Variants in CEP170B observed in about 807,000 individuals in gnomAD.
CEP170B encodes centrosomal protein of 170 kDa protein B.
CEP170B carries 55 observed loss-of-function variants against 120.6 expected under a neutral mutation model. That is an observed-to-expected ratio of 0.46 (90% CI 0.37 to 0.57). The LOEUF (loss-of-function observed/expected upper bound fraction) is 0.57. Among genes scored for constraint, CEP170B ranks in the 20% least tolerant of loss-of-function variants. CEP170B has a pLI of 0.00. For synonymous variants in CEP170B, 1,033 were observed against 954.5 expected, an observed-to-expected ratio of 1.08 and a Z score of -1.52; for missense variants, 2,212 against 2,253.3, an observed-to-expected ratio of 0.98 and a Z score of 0.37.
At chr14:104,872,604 C>T (rs934591264) in intron 2 of CEP170B, among the ~76,000 whole-genome samples, 1 of 152,068 alleles carries the variant, frequency 6.6e-6, no homozygotes, top group Non-Finnish European at 1.5e-5. Context: ...AGGTGTCCTC[C>T]GTGAGAGCGT....
chr14:104,884,589 GGGGGGTGGAGGCGATGCC>G lies in CEP170B; in HGVS notation c.1770+49_1770+66del, dbSNP rs1566864565. On this transcript the variant is annotated intron_variant, in intron 9 of 18. Coordinates refer to ENST00000414716, the MANE Select transcript of CEP170B (RefSeq NM_001112726.3). ...CGAGTGAGAGCCCTCGTGGGGAACGGGGGGGTGGAGGCGATGCCGGGGGTGGCGAGTGAGAGCCCTCGT... is the reference window on the plus strand; with the variant it reads ...CGAGTGAGAGCCCTCGTGGGGAACGGGGGGGTGGCGAGTGAGAGCCCTCGT... 3 of 1,483,942 alleles carry G rather than the reference GGGGGGTGGAGGCGATGCC, an allele frequency of 2.0e-6. No individual in the cohort carries two copies. The South Asian group carries it at 3.7e-5, about 18-fold the overall frequency. The allele number at this position is 1,483,942 out of a possible 1,614,324, so 91.9% of individuals were successfully genotyped here. A position where few individuals can be genotyped will look rare whatever the true frequency, so the allele number is the denominator to read the frequency against.
Position 104,889,758 on chromosome 14 carries a change from G to C in CEP170B, c.3878G>C (p.Arg1293Thr). The change falls in exon 13 of 19, where the codon AGG becomes ACG. Residue 1293 changes from arginine to threonine, a missense_variant and splice_region_variant. Coordinates refer to ENST00000414716, the MANE Select transcript of CEP170B (RefSeq NM_001112726.3). The part of the protein sequence containing the change: ...VQTAEIAEIA[R>T]LSQTLVKDVA... ...ACGGCAGAGATTGCGGAGATTGCCA[G>C]GTGAGTAGCCCATTCAGAGTAAATC... 1 of 1,601,024 alleles carries C rather than the reference G, an allele frequency of 6.2e-7. No homozygotes were observed. Among genetic ancestry groups the C allele is most frequent in the Non-Finnish European group, 8.5e-7 (1 of 1,170,992 alleles).
At chr14:104,877,204 C>T (rs969998889) in intron 3 of CEP170B, among the ~76,000 whole-genome samples, 1 of 152,190 alleles carries the variant, frequency 6.6e-6, no homozygotes, top group Non-Finnish European at 1.5e-5. Context: ...TCTGATGAAG[C>T]GGCTGTCCCT....
At chr14:104,866,937 C>T (rs973847921) in intron 1 of CEP170B, among the ~76,000 whole-genome samples, 22 of 152,280 alleles carry the variant, frequency 1.4e-4, no homozygotes, top group Admixed American at 5.9e-4. Flanking sequence ...GGGTTATTGT[C>T]CTCACTTCTT....
intron 9 of CEP170B, 130 bp from the exon 10 acceptor site, chr14:104,885,238 TC>T: frequency 1.0e-6 from 1 of 991,022 alleles, no homozygotes; most frequent in Non-Finnish European, 1.4e-6. Context: ...AGGCTGCATG[TC>T]CCGGCCACCA....
rs1236433158 is a variant in CEP170B at position 104,883,366 on chromosome 14, A to G, written c.909A>G (p.Thr303=). ...GGCGGCCCCCGGGCAAGGAGGCCAC[A>G]CCTGGCGAGATGGTGTCGGCTGAGA... ...RQRRPPGKEA[T]PGEMVSAETK... is the part of the protein sequence containing the mutation. The change falls in exon 8 of 19, where the codon ACA becomes ACG. Residue 303 remains threonine (T), a synonymous_variant. Transcript: ENST00000414716. The G allele has an allele frequency of 1.2e-6, 2 of 1,608,756 alleles. No homozygotes were observed. The highest frequency in any genetic ancestry group is 8.5e-7 in the Non-Finnish European group (1 of 1,178,606).
intron 8 of CEP170B, 34 bp from the exon 9 acceptor site, chr14:104,883,797 G>T (rs763006312): frequency 4.4e-5 from 66 of 1,491,462 alleles, no homozygotes; most frequent in Admixed American, 2.7e-4. Flanking sequence ...CCTTTCTCTC[G>T]GCCTGACAAG....
At chr14:104,880,581 C>A (rs1896095843) in intron 6 of CEP170B, among the ~76,000 whole-genome samples, 156 bp downstream of exon 6, 1 of 152,018 alleles carries the variant, frequency 6.6e-6, no homozygotes, top group South Asian at 2.1e-4. Context: ...TGCACATGCA[C>A]ACCCCTCACC....
At position 104,894,762 on chromosome 14, in the gene CEP170B, A is replaced by G; in HGVS notation, c.4469A>G (p.Asn1490Ser). The change falls in exon 19 of 19, where the codon AAC (asparagine) becomes AGC (serine). Residue 1490 changes from asparagine (N) to serine (S), a missense_variant. By Grantham distance (46) the Asn-to-Ser change is conservative. Coordinates refer to ENST00000414716, the MANE Select transcript of CEP170B (RefSeq NM_001112726.3). ...PSGSLDLLTG[N>S]RSLASSAQPG... ...GGGAGCCTGGACCTGCTCACAGGAA[A>G]CAGGAGCTTGGCCAGCTCTGCACAG... 6.2e-7 allele frequency: 1 copy of G among 1,602,526 alleles called. No individual in the cohort carries two copies. The highest frequency in any genetic ancestry group is 8.5e-7 in the Non-Finnish European group (1 of 1,175,680).
intron 2 of CEP170B, among the ~76,000 whole-genome samples, chr14:104,871,568 T>G (rs561659698): frequency 4.6e-4 from 70 of 152,020 alleles, no homozygotes; most frequent in African/African-American, 1.6e-3. Flanking sequence ...GGGCAGGGTG[T>G]CAAGCAGAGA....
Position 104,879,739 on chromosome 14 carries a change from G to A in CEP170B, c.334-548G>A, listed in dbSNP as rs1410373716. On this transcript the variant is annotated intron_variant, in intron 5 of 18. Coordinates refer to ENST00000414716, the MANE Select transcript of CEP170B (RefSeq NM_001112726.3). ...TGCGTGCCCTTTCCCCGGTGTGCTG[G>A]CGACACGCACAGCCGGGGCCCCTGT... Among the ~76,000 whole-genome samples, 5 of 152,306 alleles carry A rather than the reference G, an allele frequency of 3.3e-5. No individual in the cohort carries two copies. In the East Asian group the frequency reaches 9.6e-4, roughly 29 times the overall value.
intron 3 of CEP170B, 52 bp from the exon 4 acceptor site, chr14:104,877,833 G>GC: frequency 2.2e-5 from 8 of 359,792 alleles, no homozygotes; most frequent in Middle Eastern, 6.0e-4. Context: ...CCTGCCCACA[G>GC]CCACCCACCC....
chr14:104,893,184 A>C, intron 14 of CEP170B, 49 bp downstream of exon 14: 1 of 1,574,442 alleles, frequency 6.4e-7, no homozygotes, highest in Admixed American at 1.8e-5. Flanking sequence ...ACCCTCGAGG[A>C]GGGTCAGGCC....
chr14:104,871,235 C>T (rs552167467), intron 2 of CEP170B, among the ~76,000 whole-genome samples: 26 of 152,338 alleles, frequency 1.7e-4, no homozygotes, highest in South Asian at 1.2e-3. Context: ...GCTCTGTCCT[C>T]GGCTTCCAGC....
Position 104,883,342 on chromosome 14 carries a change from G to A in CEP170B, c.885G>A (p.Arg295=). ...DHITKFSLRQ[R]RPPGKEATPG... is the part of the protein sequence containing the mutation. ...TCACCAAGTTTTCCCTGCGCCAGCG[G>A]CGGCCCCCGGGCAAGGAGGCCACAC... The change falls in exon 8 of 19, where the codon CGG becomes CGA. Residue 295 remains arginine (R), a synonymous_variant. Transcript: ENST00000414716. 1 of 1,611,436 alleles carries A rather than the reference G, an allele frequency of 6.2e-7. No homozygotes were observed. Among genetic ancestry groups the A allele is most frequent in the Middle Eastern group, 1.7e-4 (1 of 6,058 alleles).
intron 14 of CEP170B, 94 bp downstream of exon 14, chr14:104,893,229 GC>G: frequency 7.2e-7 from 1 of 1,379,718 alleles, no homozygotes; most frequent in Non-Finnish European, 9.7e-7. Context: ...CTCGGCTGAG[GC>G]CCTGCTGCAC....
rs114714206 is a variant in CEP170B at position 104,875,654 on chromosome 14, C to T, written c.106-602C>T. Among the ~76,000 whole-genome samples the T allele has an allele frequency of 3.3e-3, 510 of 152,260 alleles. 3 individuals are homozygous for T. The highest frequency in any genetic ancestry group is 0.012 in the African/African-American group (486 of 41,550). The stretch of plus-strand genomic sequence containing the variant: ...GCGCTTAAGCAAGTAGAAAGTGACT[C>T]GCCTCTGCCTCCGTCTCCCCATGCC... On this transcript the variant is annotated intron_variant, in intron 2 of 18. Coordinates refer to ENST00000414716, the MANE Select transcript of CEP170B (RefSeq NM_001112726.3).
chr14:104,871,447 T>TGCCC (rs1367603225), intron 2 of CEP170B, among the ~76,000 whole-genome samples: 1 of 112,000 alleles, frequency 8.9e-6, no homozygotes, highest in Non-Finnish European at 1.8e-5. Flanking sequence ...TCCCCACACC[T>TGCCC]GCCCTGGCTC....
chr14:104,870,610 C>G lies in CEP170B; in HGVS notation c.105+2055C>G, dbSNP rs550910330. On this transcript the variant is annotated intron_variant, in intron 2 of 18. Coordinates refer to ENST00000414716, the MANE Select transcript of CEP170B (RefSeq NM_001112726.3). The surrounding 1 kb of genome is among the most constrained non-coding windows in gnomAD (Gnocchi z 4.1). Reference sequence around the variant, plus strand: ...TTCCTGCCCCACCCCTGCACCAGGCCTGCTCTGCCTGCTTCTCCCTGGGGT... The same window carrying G: ...TTCCTGCCCCACCCCTGCACCAGGCGTGCTCTGCCTGCTTCTCCCTGGGGT... Among the ~76,000 whole-genome samples, 1 of 152,242 alleles carries G rather than the reference C, an allele frequency of 6.6e-6. No individual in the cohort carries two copies. The highest frequency in any genetic ancestry group is 1.5e-5 in the Non-Finnish European group (1 of 67,994).
Sources: allele counts gnomAD v4.1 joint callset (sites outside exome capture counted in the v4.1 genomes callset), GRCh38; gene constraint gnomAD v4.1.1; non-coding constraint Gnocchi (gnomAD v3.1); transcripts MANE v1.5; gene names NCBI Gene and HGNC (gene_info 2026-07-23, HGNC 2026-07-21).